Variants in PARD6G observed in about 807,000 individuals in gnomAD.
The protein encoded by PARD6G is partitioning defective 6 homolog gamma.
Under a neutral mutation model 10.7 loss-of-function variants are expected in PARD6G, and 7 were observed. The ratio of observed to expected loss-of-function variants is 0.66; its 90% confidence interval spans 0.37 to 1.23. The LOEUF (loss-of-function observed/expected upper bound fraction) is 1.23. PARD6G is among the 50% of genes most tolerant of loss of function. The pLI, the probability that PARD6G is intolerant of heterozygous loss-of-function variation, is 0.02. For missense variants in PARD6G, 548 were observed against 571.8 expected (o/e 0.96, Z 0.42); for synonymous variants, 287 against 269.4 (o/e 1.07, Z -0.64).
intron 1 of PARD6G, among the ~76,000 whole-genome samples, chr18:80,242,412 T>G (rs1365692571): frequency 6.6e-6 from 1 of 152,158 alleles, no homozygotes; most frequent in Admixed American, 6.5e-5. Flanking sequence ...ATCACACAGC[T>G]GGAAGGGCAT....
chr18:80,244,022 G>A lies in PARD6G; in HGVS notation c.72+3255C>T, dbSNP rs189756894. Among the ~76,000 whole-genome samples the A allele has an allele frequency of 7.2e-5, 11 of 152,286 alleles. No homozygotes were observed. In the East Asian group the frequency reaches 1.7e-3, roughly 24 times the overall value. ...CAATACTGACGTAGGTAAAGGCGTT[G>A]CTAAGTTCGTAGTGGCACCGTGTTG... On this transcript the variant is annotated intron_variant, in intron 1 of 2. Coordinates refer to ENST00000353265, the MANE Select transcript of PARD6G (RefSeq NM_032510.4).
At chr18:80,209,903 T>C (rs912845569) in intron 1 of PARD6G, among the ~76,000 whole-genome samples, 1 of 152,212 alleles carries the variant, frequency 6.6e-6, no homozygotes, top group Non-Finnish European at 1.5e-5. Context: ...ATACTATAAA[T>C]AGAAAATAAG....
chr18:80,177,282 G>A lies in PARD6G; in HGVS notation c.296-16676C>T, dbSNP rs185291777. ...CAGCCCAAATGGGAAGCACACACACGCACACACGCACACACACACGGGATA... is the reference window on the plus strand; with the variant it reads ...CAGCCCAAATGGGAAGCACACACACACACACACGCACACACACACGGGATA... On this transcript the variant is annotated intron_variant, in intron 2 of 2. Transcript: ENST00000353265. Among the ~76,000 whole-genome samples, 457 of 65,010 alleles carry A rather than the reference G, an allele frequency of 7.0e-3. 1 individual carries two copies. The highest frequency in any genetic ancestry group is 9.9e-3 in the Non-Finnish European group (333 of 33,542). The allele number at this position is 65,010 out of a possible 152,430, so 42.6% of individuals were successfully genotyped here.
Position 80,159,937 on chromosome 18 carries a change from C to T in PARD6G, c.965G>A (p.Ser322Asn), listed in dbSNP as rs1437351085. ...PPQTPGAPAG[S>N]LSRVNGAGLA... ...GCCCGCGCCATTGACCCGGGAGAGGCTGCCTGCGGGCGCGCCCGGGGTCTG... is the reference window on the plus strand; with the variant it reads ...GCCCGCGCCATTGACCCGGGAGAGGTTGCCTGCGGGCGCGCCCGGGGTCTG... Residue 322 changes from serine (S) to asparagine (N), a missense_variant, in exon 3 of 3, where the codon AGC becomes AAC. Physicochemically the swap from Ser to Asn is conservative, Grantham distance 46. Transcript: ENST00000353265. The T allele has an allele frequency of 2.9e-5, 43 of 1,504,884 alleles. No individual in the cohort carries two copies. The highest frequency in any genetic ancestry group is 3.7e-5 in the Non-Finnish European group (42 of 1,135,472). 93.2% of individuals were successfully genotyped at this position (1,504,884 alleles called of 1,614,324 possible).
At chr18:80,212,018 T>A (rs900835421) in intron 1 of PARD6G, among the ~76,000 whole-genome samples, 1 of 152,148 alleles carries the variant, frequency 6.6e-6, no homozygotes, top group Non-Finnish European at 1.5e-5. Flanking sequence ...CCTCAAATAA[T>A]GTTTCATTCA....
At chr18:80,221,815 C>A (rs1324929533) in intron 1 of PARD6G, among the ~76,000 whole-genome samples, 1 of 152,114 alleles carries the variant, frequency 6.6e-6, no homozygotes. Context: ...ATAAACAAAA[C>A]CTTATTAGAG....
Position 80,188,870 on chromosome 18 carries a change from G to A in PARD6G, c.295+13840C>T, listed in dbSNP as rs759868361. 2.0e-5 allele frequency among the ~76,000 whole-genome samples: 3 copies of A among 152,194 alleles called. No individual in the cohort carries two copies. Among genetic ancestry groups the A allele is most frequent in the Non-Finnish European group, 2.9e-5 (2 of 68,030 alleles). On this transcript the variant is annotated intron_variant, in intron 2 of 2. Coordinates refer to ENST00000353265, the MANE Select transcript of PARD6G (RefSeq NM_032510.4). This position sits in a 1 kb window ranked among gnomAD's most constrained non-coding sequence, Gnocchi z 5.4. ...GGTGCAATCCCTACCGTTTCCCCAC[G>A]TTCGTGAGGGAGGTGTGGACTTGCT... is the stretch of plus-strand genomic sequence containing the variant.
At chr18:80,164,720 G>C (rs2052723747) in intron 2 of PARD6G, among the ~76,000 whole-genome samples, 1 of 152,252 alleles carries the variant, frequency 6.6e-6, no homozygotes, top group African/African-American at 2.4e-5. Flanking sequence ...AGAGTACAAA[G>C]AGAGGAATTT....
chr18:80,237,161 C>T (rs922846125), intron 1 of PARD6G, among the ~76,000 whole-genome samples: 16 of 152,214 alleles, frequency 1.1e-4, no homozygotes, highest in African/African-American at 3.6e-4. Context: ...AGATATAGAC[C>T]AATGGAACAC....
At chr18:80,173,727 C>G (rs776602226) in intron 2 of PARD6G, among the ~76,000 whole-genome samples, 4 of 152,192 alleles carry the variant, frequency 2.6e-5, no homozygotes, top group Non-Finnish European at 5.9e-5. Flanking sequence ...AACAATGGCT[C>G]TTTCCTAAAA....
intron 1 of PARD6G, among the ~76,000 whole-genome samples, chr18:80,242,391 G>T (rs1051647687): frequency 6.6e-6 from 1 of 152,212 alleles, no homozygotes; most frequent in Non-Finnish European, 1.5e-5. Context: ...CCATCCCACC[G>T]GCTGTCGCAC....
chr18:80,166,457 C>G (rs879650973), intron 2 of PARD6G, among the ~76,000 whole-genome samples: 4 of 151,110 alleles, frequency 2.6e-5, no homozygotes, highest in Admixed American at 6.6e-5. Flanking sequence ...GACGCCTTGT[C>G]TCAGTGGAAA....
At position 80,247,272 on chromosome 18, in the gene PARD6G, C is replaced by T. The variant is rs760306975; in HGVS notation, c.72+5G>A. The T allele has an allele frequency of 1.9e-6, 3 of 1,575,234 alleles. No homozygotes were observed. Among genetic ancestry groups the T allele is most frequent in the Middle Eastern group, 1.7e-4 (1 of 5,916 alleles). ...CAGGGCCGCCGGGGCGGGCGGGGGG[C>T]TTACCTTGCTCTTGACTTCCACTGC... On this transcript the variant is annotated splice_donor_5th_base_variant and intron_variant, in intron 1 of 2. Transcript: ENST00000353265. The surrounding 1 kb of genome is among the most constrained non-coding windows in gnomAD (Gnocchi z 4.2).
chr18:80,225,329 G>A (rs1967279036), intron 1 of PARD6G, among the ~76,000 whole-genome samples: 1 of 152,212 alleles, frequency 6.6e-6, no homozygotes, highest in East Asian at 1.9e-4. Context: ...ACAAACCAAA[G>A]GGAGGGAAGC....
intron 2 of PARD6G, among the ~76,000 whole-genome samples, chr18:80,191,205 T>C (rs8095413): frequency 0.23 from 35,184 of 152,142 alleles, 5,557 homozygotes; most frequent in African/African-American, 0.45. Flanking sequence ...TCCAGGTAAC[T>C]AGAAGATCCA....
chr18:80,206,853 G>C (rs529657799), intron 1 of PARD6G, among the ~76,000 whole-genome samples: 3 of 151,912 alleles, frequency 2.0e-5, no homozygotes, highest in Non-Finnish European at 2.9e-5. Flanking sequence ...AGATTCTTCA[G>C]ATGTTTATTT....
chr18:80,197,564 C>T (rs1367832402), intron 2 of PARD6G: 1 of 152,304 alleles, frequency 6.6e-6, no homozygotes, highest in East Asian at 1.9e-4. Context: ...GAACATCTTT[C>T]GGTGTAATTA....
chr18:80,242,598 C>G (rs889023814), intron 1 of PARD6G, among the ~76,000 whole-genome samples: 3 of 152,226 alleles, frequency 2.0e-5, no homozygotes, highest in East Asian at 1.9e-4. Context: ...CCTGGAGGGC[C>G]CAAGTTTAAT....
In PARD6G at chr18:80,247,488, G is replaced by T; in HGVS notation, c.-140C>A. 2 of 348,450 alleles carry T rather than the reference G, an allele frequency of 5.7e-6. No individual in the cohort carries two copies. The highest frequency in any genetic ancestry group is 4.2e-6 in the Non-Finnish European group (1 of 240,320). The allele number at this position is 348,450 out of a possible 1,614,324, so 21.6% of individuals were successfully genotyped here. A position where few individuals can be genotyped will look rare whatever the true frequency, so the allele number is the denominator to read the frequency against. ...CGGCGGGCTGCTCCCGGTGCTGCGG[G>T]CCCGAGCTGGGCTGGCCGCGCGCCT... On this transcript the variant is annotated 5_prime_UTR_variant, in exon 1 of 3. Transcript: ENST00000353265. The surrounding 1 kb of genome is among the most constrained non-coding windows in gnomAD (Gnocchi z 4.2).
Sources: gnomAD v4.1 joint callset for allele counts (sites outside exome capture counted in the v4.1 genomes callset) on GRCh38, gnomAD v4.1.1 for gene constraint, Gnocchi (gnomAD v3.1) non-coding constraint, MANE v1.5 for transcripts, NCBI Gene and HGNC (gene_info 2026-07-23, HGNC 2026-07-21) for gene names.